Variants in TTC28 observed in about 807,000 individuals in gnomAD.
TTC28 encodes the protein tetratricopeptide repeat protein 28.
Under a neutral mutation model 198.0 loss-of-function variants are expected in TTC28, and 61 were observed. The observed-to-expected ratio is 0.31, with a 90% CI of 0.25 to 0.38. The LOEUF (loss-of-function observed/expected upper bound fraction) is 0.38. Among genes scored for constraint, TTC28 ranks in the 10% least tolerant of loss-of-function variants. The pLI is 1.00. For missense variants in TTC28, 2,678 were observed against 3,164.0 expected, an observed-to-expected ratio of 0.85 and a Z score of 3.69; for synonymous variants, 1,171 against 1,297.8, an observed-to-expected ratio of 0.90 and a Z score of 2.10.
intron 2 of TTC28, among the ~76,000 whole-genome samples, chr22:28,483,251 T>C (rs2048276906): frequency 6.6e-6 from 1 of 152,136 alleles, no homozygotes; most frequent in Non-Finnish European, 1.5e-5. Flanking sequence ...AATTATATTA[T>C]ATATTTAAGC....
chr22:27,978,538 T>C lies in TTC28; in HGVS notation c.*3683A>G, dbSNP rs928932455. ...ACGGGCCAGGGACCGGCTGCAGTGA[T>C]CATATGCTGGAGCGTCACTGGGACA... is the stretch of plus-strand genomic sequence containing the variant. On this transcript the variant is annotated 3_prime_UTR_variant, in exon 23 of 23. Transcript: ENST00000397906. The C allele has an allele frequency of 1.4e-4, 22 of 152,218 alleles. No individual in the cohort carries two copies. Among genetic ancestry groups the C allele is most frequent in the African/African-American group, 5.1e-4 (21 of 41,436 alleles). 9.4% of individuals were successfully genotyped at this position (152,218 alleles called of 1,614,324 possible). A position where few individuals can be genotyped will look rare whatever the true frequency, so the allele number is the denominator to read the frequency against.
chr22:28,216,800 C>T (rs1395818699), intron 5 of TTC28, among the ~76,000 whole-genome samples: 1 of 152,144 alleles, frequency 6.6e-6, no homozygotes, highest in African/African-American at 2.4e-5. Context: ...CATCTTACTG[C>T]AGCCTCAATC....
intron 12 of TTC28, among the ~76,000 whole-genome samples, chr22:28,089,085 C>A (rs1396312031): frequency 6.6e-6 from 1 of 152,198 alleles, no homozygotes; most frequent in Non-Finnish European, 1.5e-5. Flanking sequence ...ACTAGTTCAA[C>A]CATTGTGGAA....
chr22:28,660,416 CCCAGGTTCA>C (rs1419411036), intron 1 of TTC28, among the ~76,000 whole-genome samples: 1 of 152,172 alleles, frequency 6.6e-6, no homozygotes, highest in Non-Finnish European at 1.5e-5. Flanking sequence ...ACCTCTGCCT[CCCAGGTTCA>C]AGTGATTCTT....
chr22:28,096,297 A>C lies in TTC28; in HGVS notation c.3659T>G (p.Val1220Gly), dbSNP rs1328756952. The C allele has an allele frequency of 6.4e-7, 1 of 1,551,812 alleles. No homozygotes were observed. Among genetic ancestry groups the C allele is most frequent in the Non-Finnish European group, 8.7e-7 (1 of 1,147,046 alleles). The stretch of plus-strand genomic sequence containing the variant: ...CATCTCTAAGATCTGATCAATAGTG[A>C]CTGGGGAGTAGGGGTCGGAGTCTTG... Reference protein sequence around the residue: ...GQQDSDPYSPVTIDQILEMVN... With the variant: ...GQQDSDPYSPGTIDQILEMVN... The change falls in exon 11 of 23, where the codon GTC becomes GGC. Residue 1220 changes from valine (V) to glycine (G), a missense_variant. Val to Gly is a moderately radical substitution (Grantham distance 109). This residue lies in a region of TTC28 where 727 missense variants were observed against 861.9 expected (regional missense o/e 0.84). Coordinates refer to ENST00000397906, the MANE Select transcript of TTC28 (RefSeq NM_001145418.2).
chr22:28,344,410 A>G (rs2045876805), intron 2 of TTC28, among the ~76,000 whole-genome samples: 1 of 152,014 alleles, frequency 6.6e-6, no homozygotes, highest in African/African-American at 2.4e-5. Flanking sequence ...CATGACAAAT[A>G]CCTTATTGTT....
At chr22:28,442,190 C>T (rs1261298956) in intron 2 of TTC28, among the ~76,000 whole-genome samples, 1 of 152,202 alleles carries the variant, frequency 6.6e-6, no homozygotes, top group Non-Finnish European at 1.5e-5. Context: ...GTGCCCCCTC[C>T]CCCTTTTCCC....
At chr22:28,118,618 G>A (rs1340816029) in intron 6 of TTC28, among the ~76,000 whole-genome samples, 7 of 152,020 alleles carry the variant, frequency 4.6e-5, no homozygotes, top group African/African-American at 7.2e-5. Flanking sequence ...TATATACCAC[G>A]TAGCCTAAGT....
At chr22:28,595,901 C>T (rs934148312) in intron 2 of TTC28, among the ~76,000 whole-genome samples, 3 of 152,114 alleles carry the variant, frequency 2.0e-5, no homozygotes, top group African/African-American at 7.2e-5. Context: ...TCCAGCCTAG[C>T]AACAGAGCGA....
chr22:28,156,082 T>C (rs1383391880), intron 6 of TTC28, among the ~76,000 whole-genome samples: 1 of 152,028 alleles, frequency 6.6e-6, no homozygotes, highest in Non-Finnish European at 1.5e-5. Flanking sequence ...GACTTCAGAG[T>C]TCTAAGTCAG....
intron 2 of TTC28, among the ~76,000 whole-genome samples, chr22:28,381,146 A>G (rs1391265140): frequency 6.6e-6 from 1 of 151,840 alleles, no homozygotes; most frequent in Non-Finnish European, 1.5e-5. Flanking sequence ...AAAAAAAAAA[A>G]AAGAAAAGAA....
chr22:28,270,997 G>A (rs777690096), intron 5 of TTC28, among the ~76,000 whole-genome samples: 21 of 152,140 alleles, frequency 1.4e-4, no homozygotes, highest in South Asian at 1.2e-3. Flanking sequence ...TTACAAATAC[G>A]TTTATCTCTT....
intron 5 of TTC28, among the ~76,000 whole-genome samples, chr22:28,251,556 C>T (rs1930508268): frequency 6.6e-6 from 1 of 151,960 alleles, no homozygotes; most frequent in Admixed American, 6.6e-5. Flanking sequence ...TTAGGAGAAA[C>T]AAAAATAGGA....
chr22:27,989,762 A>G, intron 21 of TTC28, 116 bp downstream of exon 21: 3 of 1,347,102 alleles, frequency 2.2e-6, no homozygotes, highest in Non-Finnish European at 2.0e-6. Context: ...TAACTGTTTT[A>G]AGATAATATT....
chr22:28,330,039 G>A (rs547438058), intron 2 of TTC28, among the ~76,000 whole-genome samples: 1 of 152,258 alleles, frequency 6.6e-6, no homozygotes, highest in Non-Finnish European at 1.5e-5. Context: ...TAGTCCTACT[G>A]GTGATGCATT....
At chr22:28,377,179 A>T (rs1247632066) in intron 2 of TTC28, among the ~76,000 whole-genome samples, 1 of 150,552 alleles carries the variant, frequency 6.6e-6, no homozygotes, top group Non-Finnish European at 1.5e-5. Flanking sequence ...TGTAATACAT[A>T]GGACATAATA....
intron 2 of TTC28, among the ~76,000 whole-genome samples, chr22:28,520,579 C>T (rs938788777): frequency 6.6e-6 from 1 of 152,094 alleles, no homozygotes; most frequent in African/African-American, 2.4e-5. Flanking sequence ...CTTGTCTCTA[C>T]AAAAAGTAAA....
At chr22:28,135,230 A>C (rs148813908) in intron 6 of TTC28, among the ~76,000 whole-genome samples, 57 of 152,284 alleles carry the variant, frequency 3.7e-4, no homozygotes, top group African/African-American at 1.4e-3. Flanking sequence ...CAGGTTCTCT[A>C]CTTGGCCTCT....
intron 2 of TTC28, among the ~76,000 whole-genome samples, chr22:28,596,273 A>G (rs936513011): frequency 1.3e-5 from 2 of 152,158 alleles, no homozygotes; most frequent in African/African-American, 4.8e-5. Flanking sequence ...AATGGGGGGA[A>G]AAAAAGACTG....
Sources: gnomAD v4.1 joint callset for allele counts (sites outside exome capture counted in the v4.1 genomes callset) on GRCh38, gnomAD v4.1.1 for gene constraint, gnomAD v4.1.1 regional missense constraint, MANE v1.5 for transcripts, NCBI Gene and HGNC (gene_info 2026-07-23, HGNC 2026-07-21) for gene names.